ZNG1B: variants seen among roughly 807,000 people sequenced by gnomAD.
ZNG1B encodes the protein zinc-regulated GTPase metalloprotein activator 1B.
At chr2:113,465,742 T>C in the ZNG1B span, 1 of 939,912 alleles carries the variant, frequency 1.1e-6, no homozygotes, top group Non-Finnish European at 1.2e-6. Flanking sequence ...TTTATTAAGC[T>C]CATTTTTTTT....
At chr2:113,461,755 C>A in the ZNG1B span, among the ~76,000 whole-genome samples, 1 of 151,948 alleles carries the variant, frequency 6.6e-6, no homozygotes, top group Non-Finnish European at 1.5e-5. Context: ...CCTGATATAT[C>A]TTCTGAAGTA....
At chr2:113,479,576 C>G in the ZNG1B span, among the ~76,000 whole-genome samples, 1 of 152,068 alleles carries the variant, frequency 6.6e-6, no homozygotes, top group African/African-American at 2.4e-5. Flanking sequence ...GAAGTCTAGC[C>G]CATCCTAACT....
At chr2:113,442,890 G>A in the ZNG1B span, among the ~76,000 whole-genome samples, 2 of 151,620 alleles carry the variant, frequency 1.3e-5, no homozygotes, top group Non-Finnish European at 2.9e-5. Context: ...AATTCTTATA[G>A]ATAACAAGCA....
chr2:113,454,789 A>G, the ZNG1B span: 1 of 1,569,126 alleles, frequency 6.4e-7, no homozygotes, highest in Non-Finnish European at 8.7e-7. Context: ...GTAAGTTGAA[A>G]GATTGCTATG....
At chr2:113,477,443 G>A in the ZNG1B span, among the ~76,000 whole-genome samples, 2 of 152,060 alleles carry the variant, frequency 1.3e-5, no homozygotes, top group Non-Finnish European at 2.9e-5. Context: ...AGATGAACCC[G>A]GTACCTCAGA....
At chr2:113,442,995 G>A in the ZNG1B span, among the ~76,000 whole-genome samples, 2 of 150,470 alleles carry the variant, frequency 1.3e-5, no homozygotes, top group African/African-American at 2.5e-5. Context: ...TTGAGATGGA[G>A]TCTCGCTGTG....
chr2:113,482,213 A>G, the ZNG1B span: 2 of 1,481,198 alleles, frequency 1.4e-6, no homozygotes, highest in South Asian at 2.5e-5. Context: ...CAGGAACACA[A>G]CCTCACCTTG....
the ZNG1B span, among the ~76,000 whole-genome samples, chr2:113,471,801 AG>A: frequency 6.6e-6 from 1 of 151,994 alleles, no homozygotes; most frequent in Non-Finnish European, 1.5e-5. Flanking sequence ...GTCCCTACAA[AG>A]GACATGAACC....
chr2:113,457,277 A>T, the ZNG1B span: 1 of 371,042 alleles, frequency 2.7e-6, no homozygotes, highest in African/African-American at 2.3e-5. Flanking sequence ...GTCAGAAAAC[A>T]GTTAGCTTGG....
At chr2:113,490,583 T>C in the ZNG1B span, among the ~76,000 whole-genome samples, 1 of 152,168 alleles carries the variant, frequency 6.6e-6, no homozygotes, top group Non-Finnish European at 1.5e-5. Context: ...TGATAGACTG[T>C]TAGCAAGATC....
chr2:113,475,411 A>G, the ZNG1B span, among the ~76,000 whole-genome samples: 1 of 151,132 alleles, frequency 6.6e-6, no homozygotes, highest in African/African-American at 2.4e-5. Context: ...TTTCCTGAAT[A>G]CAGCACACTG....
chr2:113,443,600 G>A, the ZNG1B span, among the ~76,000 whole-genome samples: 2 of 138,820 alleles, frequency 1.4e-5, no homozygotes, highest in African/African-American at 2.8e-5. Flanking sequence ...CTAACATAAT[G>A]TAGTGTACTG....
At chr2:113,440,481 A>G in the ZNG1B span, among the ~76,000 whole-genome samples, 1 of 152,144 alleles carries the variant, frequency 6.6e-6, no homozygotes, top group East Asian at 1.9e-4. Flanking sequence ...AGTCTCTCCC[A>G]TTCTATACTT....
chr2:113,478,275 C>A, the ZNG1B span, among the ~76,000 whole-genome samples: 1 of 150,754 alleles, frequency 6.6e-6, no homozygotes, highest in Non-Finnish European at 1.5e-5. Context: ...TATTTCTTTT[C>A]TTTTTATTTA....
At chr2:113,478,800 T>G in the ZNG1B span, among the ~76,000 whole-genome samples, 12 of 148,572 alleles carry the variant, frequency 8.1e-5, no homozygotes, top group Middle Eastern at 3.5e-3. Context: ...AAAAAAAAAA[T>G]AAAGAAAGAA....
the ZNG1B span, among the ~76,000 whole-genome samples, chr2:113,480,894 TGTG>T: frequency 8.6e-6 from 1 of 115,932 alleles, no homozygotes; most frequent in Non-Finnish European, 1.7e-5. Context: ...ACATTTTATG[TGTG>T]CAGAGACAAA....
the ZNG1B span, among the ~76,000 whole-genome samples, chr2:113,446,767 C>T: frequency 7.9e-6 from 1 of 126,112 alleles, no homozygotes; most frequent in Non-Finnish European, 1.7e-5. Flanking sequence ...CACGCACATG[C>T]ACACGCACAC....
the ZNG1B span, among the ~76,000 whole-genome samples, chr2:113,440,158 A>G: frequency 1.3e-5 from 2 of 151,972 alleles, no homozygotes; most frequent in Admixed American, 6.6e-5. Flanking sequence ...TGCTGGGATT[A>G]CAGGCGTGAG....
the ZNG1B span, among the ~76,000 whole-genome samples, chr2:113,489,299 CAG>C: frequency 3.1e-3 from 469 of 151,956 alleles, 7 homozygotes; most frequent in African/African-American, 0.011. Context: ...TTCAGACAAA[CAG>C]AGAATTCACC....
Sources: gnomAD v4.1 joint callset for allele counts (sites outside exome capture counted in the v4.1 genomes callset) on GRCh38, gnomAD v4.1.1 for gene constraint, MANE v1.5 for transcripts, NCBI Gene and HGNC (gene_info 2026-07-23, HGNC 2026-07-21) for gene names.